The following CHCHD6 variants were observed in gnomAD, a reference collection of about 807,000 sequenced individuals.
The protein encoded by CHCHD6 is MICOS complex subunit MIC25.
Under a neutral mutation model 32.3 loss-of-function variants are expected in CHCHD6, and 28 were observed. The observed-to-expected ratio is 0.87, with a 90% CI of 0.64 to 1.19. CHCHD6 has a LOEUF of 1.19. CHCHD6 is among the 50% of genes most tolerant of loss of function. The pLI, the probability that CHCHD6 is intolerant of heterozygous loss-of-function variation, is 0.00. For synonymous variants in CHCHD6, 122 were observed against 117.5 expected (o/e 1.04, Z -0.25); for missense variants, 333 against 307.0 (o/e 1.08, Z -0.63).
intron 6 of CHCHD6, among the ~76,000 whole-genome samples, chr3:126,954,819 G>A (rs1470578943): frequency 1.3e-5 from 2 of 152,240 alleles, no homozygotes; most frequent in African/African-American, 2.4e-5. Context: ...ACAGCAAGAG[G>A]CTGGTATGAG....
chr3:126,900,911 A>G (rs1394490797), intron 5 of CHCHD6, among the ~76,000 whole-genome samples: 1 of 152,080 alleles, frequency 6.6e-6, no homozygotes, highest in African/African-American at 2.4e-5. Flanking sequence ...GCCAGGTGTG[A>G]CACACTTTTA....
intron 4 of CHCHD6, among the ~76,000 whole-genome samples, chr3:126,808,821 T>A (rs1939529122): frequency 2.0e-5 from 3 of 152,190 alleles, no homozygotes; most frequent in Admixed American, 2.0e-4. Context: ...ATTGTCCTGG[T>A]GGAGAAGGAC....
intron 4 of CHCHD6, among the ~76,000 whole-genome samples, chr3:126,796,564 C>T (rs1031777273): frequency 1.5e-4 from 23 of 152,198 alleles, no homozygotes; most frequent in African/African-American, 5.3e-4. Flanking sequence ...TTGTCATCCT[C>T]GTCCACACCA....
intron 4 of CHCHD6, among the ~76,000 whole-genome samples, chr3:126,850,142 G>A (rs1941422506): frequency 1.3e-5 from 2 of 152,238 alleles, no homozygotes; most frequent in South Asian, 4.1e-4. Flanking sequence ...AATCTCAGAT[G>A]AGCAGAGCCA....
chr3:126,931,345 T>C (rs2078402575), intron 6 of CHCHD6, among the ~76,000 whole-genome samples: 1 of 152,238 alleles, frequency 6.6e-6, no homozygotes, highest in South Asian at 2.1e-4. Flanking sequence ...AGGCCTTTCC[T>C]TCCCCTCCTG....
At chr3:126,882,004 G>A (rs368497206) in intron 5 of CHCHD6, among the ~76,000 whole-genome samples, 3 of 152,276 alleles carry the variant, frequency 2.0e-5, no homozygotes, top group East Asian at 1.9e-4. Context: ...TCCAAAGGAC[G>A]GCCCAGGAGT....
chr3:126,880,337 A>T (rs1018168471), intron 5 of CHCHD6, among the ~76,000 whole-genome samples: 1 of 152,130 alleles, frequency 6.6e-6, no homozygotes, highest in Non-Finnish European at 1.5e-5. Context: ...GGCAGCTGCC[A>T]GGCCCACACA....
intron 4 of CHCHD6, among the ~76,000 whole-genome samples, chr3:126,850,049 C>T (rs1576492336): frequency 6.6e-6 from 1 of 152,228 alleles, no homozygotes; most frequent in East Asian, 1.9e-4. Flanking sequence ...CACTGACACA[C>T]AGGCATTTGT....
chr3:126,851,325 C>A (rs767404213), intron 4 of CHCHD6, among the ~76,000 whole-genome samples: 2 of 152,180 alleles, frequency 1.3e-5, no homozygotes, highest in Non-Finnish European at 2.9e-5. Context: ...TCATGTCTTA[C>A]CCCATGTTTT....
intron 6 of CHCHD6, among the ~76,000 whole-genome samples, chr3:126,951,132 C>T (rs906272157): frequency 7.2e-5 from 11 of 152,164 alleles, no homozygotes; most frequent in Non-Finnish European, 1.5e-4. Context: ...GGTGAGTTCT[C>T]GTGAGACCTG....
chr3:126,836,040 C>T (rs561878509), intron 4 of CHCHD6, among the ~76,000 whole-genome samples: 2 of 152,336 alleles, frequency 1.3e-5, no homozygotes, highest in East Asian at 3.9e-4. Context: ...GGGCAGCAGC[C>T]TTCCAGTTCA....
chr3:126,737,390 G>GCATA (rs1553726481), intron 4 of CHCHD6, among the ~76,000 whole-genome samples: 1 of 132,618 alleles, frequency 7.5e-6, no homozygotes, highest in Non-Finnish European at 1.6e-5. Flanking sequence ...TGATGTGTGA[G>GCATA]TATATATATA....
chr3:126,827,979 C>T (rs1940474401), intron 4 of CHCHD6, among the ~76,000 whole-genome samples: 1 of 152,132 alleles, frequency 6.6e-6, no homozygotes, highest in Non-Finnish European at 1.5e-5. Flanking sequence ...CATCCTTCAC[C>T]TATTAACTCC....
At chr3:126,770,390 A>G (rs1053336548) in intron 4 of CHCHD6, among the ~76,000 whole-genome samples, 1 of 152,168 alleles carries the variant, frequency 6.6e-6, no homozygotes, top group African/African-American at 2.4e-5. Context: ...ATCAGAAAGG[A>G]CATTCTTGTG....
chr3:126,829,233 C>T (rs1316293916), intron 4 of CHCHD6, among the ~76,000 whole-genome samples: 12 of 152,088 alleles, frequency 7.9e-5, no homozygotes, highest in Non-Finnish European at 1.2e-4. Context: ...GTGGAACTCT[C>T]CTTTCTGGGG....
At chr3:126,747,692 G>A (rs898739102) in intron 4 of CHCHD6, among the ~76,000 whole-genome samples, 2 of 152,084 alleles carry the variant, frequency 1.3e-5, no homozygotes, top group African/African-American at 2.4e-5. Flanking sequence ...ATCAGGTCTC[G>A]TGGTGTGACA....
intron 5 of CHCHD6, among the ~76,000 whole-genome samples, chr3:126,871,857 G>C (rs561367529): frequency 1.3e-5 from 2 of 151,896 alleles, no homozygotes; most frequent in African/African-American, 4.8e-5. Flanking sequence ...AGCAGAGACG[G>C]GGTTTCACCG....
intron 4 of CHCHD6, among the ~76,000 whole-genome samples, chr3:126,791,666 A>G (rs556064362): frequency 7.9e-5 from 12 of 152,242 alleles, no homozygotes; most frequent in African/African-American, 2.6e-4. Context: ...CTGGAGTGCA[A>G]TGGCACGATC....
At chr3:126,957,678 G>T in intron 7 of CHCHD6, 127 bp downstream of exon 7, 1 of 1,179,048 alleles carries the variant, frequency 8.5e-7, no homozygotes, top group South Asian at 1.3e-5. Context: ...GGAGGTCTCT[G>T]CATTTGCCAA....
Sources: gnomAD v4.1 joint callset for allele counts (sites outside exome capture counted in the v4.1 genomes callset) on GRCh38, gnomAD v4.1.1 for gene constraint, MANE v1.5 for transcripts, NCBI Gene and HGNC (gene_info 2026-07-23, HGNC 2026-07-21) for gene names.